Variants in AVPR1B observed in about 807,000 individuals in gnomAD.
AVPR1B encodes arginine vasopressin receptor 1B, also known as vasopressin V1b receptor.
Under a neutral mutation model 27.5 loss-of-function variants are expected in AVPR1B, and 25 were observed. The ratio of observed to expected loss-of-function variants is 0.91; its 90% confidence interval spans 0.66 to 1.27. The LOEUF (loss-of-function observed/expected upper bound fraction) is 1.27. AVPR1B is among the 50% of genes most tolerant of loss of function. The pLI, the probability that AVPR1B is intolerant of heterozygous loss-of-function variation, is 0.00. For synonymous variants in AVPR1B, 248 were observed against 240.2 expected, an observed-to-expected ratio of 1.03 and a Z score of -0.30; for missense variants, 595 against 556.9, an observed-to-expected ratio of 1.07 and a Z score of -0.69.
Position 206,116,023 on chromosome 1 carries a change from A to T in AVPR1B, c.868T>A (p.Tyr290Asn). The change falls in exon 1 of 2, where the codon TAC (tyrosine) becomes AAC (asparagine). Residue 290 changes from tyrosine to asparagine, a missense_variant. Tyr to Asn is a moderately radical substitution (Grantham distance 143). Transcript: ENST00000367126. Reference sequence around the variant, plus strand: ...AAGAAGGGAGCCCAGCAAGCGATGTAGGCCAGCACGATGACAAAGGTCATC... The same window carrying T: ...AAGAAGGGAGCCCAGCAAGCGATGTTGGCCAGCACGATGACAAAGGTCATC... ...VKMTFVIVLA[Y>N]IACWAPFFSV... 1 of 1,614,214 alleles carries T rather than the reference A, an allele frequency of 6.2e-7. No individual in the cohort carries two copies.
rs1553290450 is a variant in AVPR1B, at chr1:206,116,065, T to A, written c.826A>T (p.Lys276Ter). The A allele has an allele frequency of 6.2e-7, 1 of 1,614,084 alleles. No homozygotes were observed. Among genetic ancestry groups the A allele is most frequent in the African/African-American group, 1.3e-5 (1 of 74,922 alleles). ...AAGGTCATCTTCACTGTTCGGATCT[T>A]GGCCCGTGAGATGGTGTTGATGCTG... ...VSSINTISRA[K>*]IRTVKMTFVI... The change falls in exon 1 of 2, where the codon AAG becomes TAG. Residue 276 changes from lysine (K) to a stop codon, truncating the protein, a stop_gained. Transcript: ENST00000367126. LOFTEE classifies it high-confidence loss of function.
chr1:206,114,980 G>T (rs564303491), intron 1 of AVPR1B, among the ~76,000 whole-genome samples: 1 of 152,344 alleles, frequency 6.6e-6, no homozygotes, highest in East Asian at 1.9e-4. Context: ...CCCATGGTTG[G>T]CTAGATTCAG....
In AVPR1B at chr1:206,116,029, G is replaced by C. The variant is rs769214319; in HGVS notation, c.862C>G (p.Leu288Val). The C allele has an allele frequency of 4.3e-6, 7 of 1,614,242 alleles. No homozygotes were observed. The highest frequency in any genetic ancestry group is 5.9e-6 in the Non-Finnish European group (7 of 1,180,040). ...RTVKMTFVIV[L>V]AYIACWAPFF... ...GGAGCCCAGCAAGCGATGTAGGCCA[G>C]CACGATGACAAAGGTCATCTTCACT... The change falls in exon 1 of 2, where the codon CTG becomes GTG. Residue 288 changes from leucine to valine, a missense_variant. Physicochemically the swap from Leu to Val is conservative, Grantham distance 32. Transcript: ENST00000367126.
At position 206,108,139 on chromosome 1, in the gene AVPR1B, C is replaced by T. The variant is rs34693490; in HGVS notation, c.*2050G>A. On this transcript the variant is annotated 3_prime_UTR_variant, in exon 2 of 2. Transcript: ENST00000367126. ...AGATGGGGCAAGGGGGTGGGGAGGC[C>T]GCTTTTGTAAGCAGGGGAAGGAGCA... 9.5e-4 allele frequency among the ~76,000 whole-genome samples: 145 copies of T among 152,224 alleles called. No homozygotes were observed. Among genetic ancestry groups the T allele is most frequent in the African/African-American group, 3.4e-3 (140 of 41,530 alleles).
intron 1 of AVPR1B, among the ~76,000 whole-genome samples, chr1:206,115,265 G>A (rs1553290321): frequency 6.6e-6 from 1 of 151,746 alleles, no homozygotes. Context: ...AAGGCCCAAA[G>A]TACACCAAAC....
chr1:206,116,503 G>C lies in AVPR1B; in HGVS notation c.388C>G (p.Leu130Val), dbSNP rs1571885157. The change falls in exon 1 of 2, where the codon CTG (leucine) becomes GTG (valine). Residue 130 changes from leucine (L) to valine (V), a missense_variant. Coordinates refer to ENST00000367126, the MANE Select transcript of AVPR1B (RefSeq NM_000707.5). ...ASTYMLLAMT[L>V]DRYLAVCHPL... ...TGACAGACAGCCAGGTAGCGGTCCA[G>C]CGTCATGGCCAGCAGCATGTAGGTG... The C allele has an allele frequency of 4.3e-6, 7 of 1,614,090 alleles. No individual in the cohort carries two copies. In the East Asian group the frequency reaches 1.3e-4, roughly 31 times the overall value.
Position 206,110,457 on chromosome 1 carries a change from C to T in AVPR1B, c.1007G>A (p.Trp336Ter), listed in dbSNP as rs782325828. ...GTGGCTGTTGAAGCCCATGTAGATCCAGGGGTTGCAGCAGCTGTTGAGGTT... is the reference window on the plus strand; with the variant it reads ...GTGGCTGTTGAAGCCCATGTAGATCTAGGGGTTGCAGCAGCTGTTGAGGTT... The part of the protein sequence containing the change: ...LGNLNSCCNP[W>*]IYMGFNSHLL... Residue 336 changes from tryptophan to a stop codon, truncating the protein, a stop_gained, in exon 2 of 2, where the codon TGG becomes TAG. Coordinates refer to ENST00000367126, the MANE Select transcript of AVPR1B (RefSeq NM_000707.5). LOFTEE classifies it high-confidence loss of function. 3.1e-6 allele frequency: 5 copies of T among 1,613,860 alleles called. No individual in the cohort carries two copies. The highest frequency in any genetic ancestry group is 4.2e-6 in the Non-Finnish European group (5 of 1,179,952).
rs1245787799 is a variant in AVPR1B at position 206,109,327 on chromosome 1, AGGCTGGATTCCCTGG to A, written c.*847_*861del. On this transcript the variant is annotated 3_prime_UTR_variant, in exon 2 of 2. Transcript: ENST00000367126. The stretch of plus-strand genomic sequence containing the variant: ...TCTGTGTAGCCCCCGGGGAAAGAGC[AGGCTGGATTCCCTGG>A]GGGGTGGGTTGGGGAAAGGAGGGAG... Among the ~76,000 whole-genome samples the A allele has an allele frequency of 6.6e-6, 1 of 152,146 alleles. No individual in the cohort carries two copies. Among genetic ancestry groups the A allele is most frequent in the East Asian group, 1.9e-4 (1 of 5,154 alleles).
Position 206,107,208 on chromosome 1 carries a change from G to C in AVPR1B, c.*2981C>G, listed in dbSNP as rs782624456. Among the ~76,000 whole-genome samples the C allele has an allele frequency of 6.6e-6, 1 of 152,090 alleles. No homozygotes were observed. Among genetic ancestry groups the C allele is most frequent in the Non-Finnish European group, 1.5e-5 (1 of 68,018 alleles). ...TCCTGCTTGTACATAGGTTTTAAGG[G>C]ACTAAAGTACTGTCATTCACAGTCA... On this transcript the variant is annotated 3_prime_UTR_variant, in exon 2 of 2. Transcript: ENST00000367126.
At chr1:206,113,049 C>A (rs1311426977) in intron 1 of AVPR1B, among the ~76,000 whole-genome samples, 1 of 152,156 alleles carries the variant, frequency 6.6e-6, no homozygotes, top group African/African-American at 2.4e-5. Flanking sequence ...TCTGCTCCAT[C>A]GATGTGCATT....
In AVPR1B at chr1:206,110,045, A is replaced by T; in HGVS notation, c.*144T>A. 1.1e-6 allele frequency: 1 copy of T among 922,552 alleles called. No individual in the cohort carries two copies. Among genetic ancestry groups the T allele is most frequent in the Non-Finnish European group, 1.6e-6 (1 of 622,592 alleles). The allele number at this position is 922,552 out of a possible 1,614,324, so 57.1% of individuals were successfully genotyped here. ...GGCAGCTGTGACACCAGGGTAGGGG[A>T]CCCATTCTGGCCTTTTCGCTCCGCT... On this transcript the variant is annotated 3_prime_UTR_variant, in exon 2 of 2. Coordinates refer to ENST00000367126, the MANE Select transcript of AVPR1B (RefSeq NM_000707.5).
intron 1 of AVPR1B, among the ~76,000 whole-genome samples, chr1:206,112,981 C>G (rs1418932235): frequency 6.6e-6 from 1 of 152,222 alleles, no homozygotes; most frequent in African/African-American, 2.4e-5. Flanking sequence ...TAATGTGTAA[C>G]TACAAGTTGC....
intron 1 of AVPR1B, 86 bp downstream of exon 1, chr1:206,115,865 C>G: frequency 7.3e-7 from 1 of 1,373,016 alleles, no homozygotes; most frequent in South Asian, 1.5e-5. Flanking sequence ...CTGCCTGGCC[C>G]TGGGAGGCAT....
rs1663342640 is a variant in AVPR1B at position 206,109,948 on chromosome 1, G to T, written c.*241C>A. Reference sequence around the variant, plus strand: ...CCTATGAATATGGCAGGACCAGGGAGACAGGCAGTTTGATTCTCCCTGACT... The same window carrying T: ...CCTATGAATATGGCAGGACCAGGGATACAGGCAGTTTGATTCTCCCTGACT... On this transcript the variant is annotated 3_prime_UTR_variant, in exon 2 of 2. Transcript: ENST00000367126. 1.8e-6 allele frequency: 1 copy of T among 551,422 alleles called. No individual in the cohort carries two copies. 34.2% of individuals were successfully genotyped at this position (551,422 alleles called of 1,614,324 possible).
chr1:206,110,602 G>A, intron 1 of AVPR1B, 79 bp from the exon 2 acceptor site: 1 of 1,268,856 alleles, frequency 7.9e-7, no homozygotes, highest in Non-Finnish European at 1.1e-6. Context: ...CCACAGATGA[G>A]GAACAGATGA....
Position 206,111,948 on chromosome 1 carries a change from C to T in AVPR1B, c.941-1425G>A, listed in dbSNP as rs144873980. 7.5e-3 allele frequency among the ~76,000 whole-genome samples: 1,136 copies of T among 152,296 alleles called. 7 individuals carry two copies. Among genetic ancestry groups the T allele is most frequent in the Middle Eastern group, 0.034 (10 of 294 alleles). ...GTGGCTTACGCCCGTAATCCCAACA[C>T]TTTGGGAGGTCGAGGCAGATGGATC... is the stretch of plus-strand genomic sequence containing the variant. On this transcript the variant is annotated intron_variant, in intron 1 of 1. Transcript: ENST00000367126.
At chr1:206,113,618 T>A (rs1340203989) in intron 1 of AVPR1B, among the ~76,000 whole-genome samples, 3 of 152,160 alleles carry the variant, frequency 2.0e-5, no homozygotes, top group African/African-American at 7.2e-5. Flanking sequence ...AGTAGGAAAG[T>A]CTGCACTGGC....
At chr1:206,115,803 T>C in intron 1 of AVPR1B, 148 bp downstream of exon 1, 2 of 700,072 alleles carry the variant, frequency 2.9e-6, no homozygotes, top group Non-Finnish European at 4.4e-6. Context: ...TAACTGCCCC[T>C]TTTCACTTGG....
In AVPR1B at chr1:206,110,514, T is replaced by C; in HGVS notation, c.950A>G (p.Asn317Ser). The part of the protein sequence containing the change: ...DKNAPDEDST[N>S]VAFTISMLLG... ...AAGCATAGAGATGGTGAAAGCCACA[T>C]TGGTGGAATCTACCAAGAGAGAAGC... The change falls in exon 2 of 2, where the codon AAT (asparagine) becomes AGT (serine). Residue 317 changes from asparagine to serine, a missense_variant. Asn to Ser is a conservative substitution (Grantham distance 46). Transcript: ENST00000367126. The C allele has an allele frequency of 6.2e-7, 1 of 1,607,234 alleles. No individual in the cohort carries two copies.
Sources: allele counts gnomAD v4.1 joint callset (sites outside exome capture counted in the v4.1 genomes callset), GRCh38; gene constraint gnomAD v4.1.1; transcripts MANE v1.5; gene names NCBI Gene and HGNC (gene_info 2026-07-23, HGNC 2026-07-21).